Variants in GNAT2 observed in about 807,000 individuals in gnomAD.
GNAT2 encodes G protein subunit alpha transducin 2.
A neutral mutation model predicts 40.9 loss-of-function variants in GNAT2; 32 were observed. The observed-to-expected ratio is 0.78, with a 90% CI of 0.59 to 1.05. The LOEUF is 1.05. Among genes scored for constraint, GNAT2 ranks in the 50% least tolerant of loss-of-function variants. The probability of loss-of-function intolerance (pLI) is 0.00; values close to 1 mark genes in which losing one functional copy is unlikely to be tolerated. For synonymous variants in GNAT2, 141 were observed against 157.2 expected, an observed-to-expected ratio of 0.90 and a Z score of 0.77; for missense variants, 355 against 431.5, an observed-to-expected ratio of 0.82 and a Z score of 1.57.
chr1:109,605,866 ACT>A (rs1649575242), intron 7 of GNAT2, 102 bp downstream of exon 7: 1 of 1,005,210 alleles, frequency 9.9e-7, no homozygotes, highest in African/African-American at 1.6e-5. Context: ...GGGCTGCTAG[ACT>A]GAAATTACCT....
At chr1:109,604,199 C>A in intron 7 of GNAT2, 95 bp from the exon 8 acceptor site, 1 of 972,024 alleles carries the variant, frequency 1.0e-6, no homozygotes, top group Non-Finnish European at 1.6e-6. Flanking sequence ...ACCAGTGCTC[C>A]AAATGTAAAA....
chr1:109,606,158 G>A (rs1649586184), intron 6 of GNAT2, 59 bp from the exon 7 acceptor site: 1 of 1,599,380 alleles, frequency 6.3e-7, no homozygotes, highest in Non-Finnish European at 8.6e-7. Context: ...ATATGCCTTT[G>A]ATGGTCACCC....
intron 2 of GNAT2, chr1:109,610,749 C>T (rs1334785024): frequency 6.8e-6 from 4 of 585,690 alleles, no homozygotes; most frequent in African/African-American, 1.9e-5. Flanking sequence ...GTAGGATGTT[C>T]AGCAGCATTC....
chr1:109,608,757 TC>T lies in GNAT2; in HGVS notation c.334del (p.Asp112ThrfsTer45). 1 of 1,613,918 alleles carries T rather than the reference TC, an allele frequency of 6.2e-7. No individual in the cohort carries two copies. Among genetic ancestry groups the T allele is most frequent in the Non-Finnish European group, 8.5e-7 (1 of 1,179,886 alleles). ...AGGCATGGTTCCCTCCTCAATGGAG[TC>T]AGCCAGGTTGTTGAGCTGTCGCCCG... ...DDGRQLNNLADSIEEGTMPPE... is the reference protein window; with the variant it reads ...DDGRQLNNLAXSIEEGTMPPE... On this transcript the variant is annotated frameshift_variant, in exon 5 of 9. Coordinates refer to ENST00000679935, the MANE Select transcript of GNAT2 (RefSeq NM_001377295.2). LOFTEE classifies it high-confidence loss of function.
In GNAT2 at chr1:109,610,106, C is replaced by T; in HGVS notation, c.237G>A (p.Gln79=). 6.2e-7 allele frequency: 1 copy of T among 1,613,672 alleles called. No individual in the cohort carries two copies. Among genetic ancestry groups the T allele is most frequent in the Non-Finnish European group, 8.5e-7 (1 of 1,179,590 alleles). Reference sequence around the variant, plus strand: ...TGGCCCGGATGATAGCCAGGATGGACTGCAGCACATTTCCATAGATGATAG... The same window carrying T: ...TGGCCCGGATGATAGCCAGGATGGATTGCAGCACATTTCCATAGATGATAG... The part of the protein sequence containing the change: ...FKAIIYGNVL[Q]SILAIIRAMT... Residue 79 remains glutamine, a synonymous_variant, in exon 4 of 9, where the codon CAG becomes CAA. Coordinates refer to ENST00000679935, the MANE Select transcript of GNAT2 (RefSeq NM_001377295.2).
At chr1:109,617,603 C>T (rs1649986757) in intron 1 of GNAT2, 1 of 152,172 alleles carries the variant, frequency 6.6e-6, no homozygotes, top group African/African-American at 2.4e-5. Flanking sequence ...GACTTCCTAG[C>T]AGCAACAATA....
At chr1:109,608,990 C>A in intron 4 of GNAT2, 1 of 636,568 alleles carries the variant, frequency 1.6e-6, no homozygotes, top group Non-Finnish European at 2.9e-6. Flanking sequence ...GCACTATACC[C>A]AGCCCTGGGG....
Position 109,609,927 on chromosome 1 carries a change from T to A in GNAT2, c.303+113A>T, listed in dbSNP as rs1570564920. 3 of 1,067,206 alleles carry A rather than the reference T, an allele frequency of 2.8e-6. No homozygotes were observed. The East Asian group carries it at 7.1e-5, about 25-fold the overall frequency. 66.1% of individuals were successfully genotyped at this position (1,067,206 alleles called of 1,614,324 possible). ...TGAGATCCCACCCAGCAGGTGGGATTTTAGTTACTATTTTTCTTACCCATC... is the reference window on the plus strand; with the variant it reads ...TGAGATCCCACCCAGCAGGTGGGATATTAGTTACTATTTTTCTTACCCATC... On this transcript the variant is annotated intron_variant, in intron 4 of 8. Transcript: ENST00000679935.
At chr1:109,615,683 T>G (rs557251714) in intron 1 of GNAT2, 2 of 152,012 alleles carry the variant, frequency 1.3e-5, no homozygotes, top group Admixed American at 1.3e-4. Flanking sequence ...ACTTGGGAGA[T>G]AGAGGCATGA....
At position 109,603,563 on chromosome 1, in the gene GNAT2, A is replaced by G; in HGVS notation, c.875-19T>C. ...TTGTTACCTGGTTTTCCAGAAAAAT[A>G]GTGAAAAAGTAGAATAAATGAACCC... is the stretch of plus-strand genomic sequence containing the variant. On this transcript the variant is annotated intron_variant, in intron 8 of 8. Coordinates refer to ENST00000679935, the MANE Select transcript of GNAT2 (RefSeq NM_001377295.2). 11 of 1,513,304 alleles carry G rather than the reference A, an allele frequency of 7.3e-6. No homozygotes were observed. The highest frequency in any genetic ancestry group is 1.0e-5 in the Non-Finnish European group (11 of 1,088,264). 93.7% of individuals were successfully genotyped at this position (1,513,304 alleles called of 1,614,324 possible).
At chr1:109,604,488 C>A in intron 7 of GNAT2, 1 of 261,684 alleles carries the variant, frequency 3.8e-6, no homozygotes, top group Non-Finnish European at 7.5e-6. Context: ...ATAAGTAGTG[C>A]TGATAATGGG....
At chr1:109,612,720 G>A (rs758154861) in intron 2 of GNAT2, 33 bp downstream of exon 2, 4 of 1,285,166 alleles carry the variant, frequency 3.1e-6, no homozygotes, top group Non-Finnish European at 4.5e-6. Flanking sequence ...AAGGACCCCT[G>A]CCTTCTCTGG....
intron 7 of GNAT2, chr1:109,605,661 C>A: frequency 2.6e-6 from 1 of 379,652 alleles, no homozygotes; most frequent in Non-Finnish European, 5.1e-6. Context: ...CTTTGCTTTG[C>A]CTAGTTGATG....
Position 109,604,055 on chromosome 1 carries a change from T to G in GNAT2, c.770A>C (p.Lys257Thr), listed in dbSNP as rs774408503. ...LHLFNSICNH[K>T]FFAATSIVLF... ...GACAATGGAAGTAGCCGCAAAGAAT[T>G]TGTGGTTACATATGCTGTTGAACAG... Residue 257 changes from lysine (K) to threonine (T), a missense_variant, in exon 8 of 9, where the codon AAA becomes ACA. Physicochemically the swap from Lys to Thr is moderately conservative, Grantham distance 78 (BLOSUM62 -1). Coordinates refer to ENST00000679935, the MANE Select transcript of GNAT2 (RefSeq NM_001377295.2). 3 of 1,611,146 alleles carry G rather than the reference T, an allele frequency of 1.9e-6. No individual in the cohort carries two copies. The highest frequency in any genetic ancestry group is 2.5e-6 in the Non-Finnish European group (3 of 1,177,310).
At chr1:109,606,516 C>T (rs894720415) in intron 5 of GNAT2, 80 bp from the exon 6 acceptor site, 2 of 1,157,954 alleles carry the variant, frequency 1.7e-6, no homozygotes, top group Admixed American at 1.7e-5. Flanking sequence ...TACCCAAAGT[C>T]ACACAGCTAA....
intron 1 of GNAT2, chr1:109,614,648 G>A (rs1182746392): frequency 6.6e-6 from 1 of 152,234 alleles, no homozygotes; most frequent in Non-Finnish European, 1.5e-5. Flanking sequence ...TACTGAGGTC[G>A]AAGGATGTAA....
At chr1:109,608,535 G>T in intron 5 of GNAT2, 96 bp downstream of exon 5, 1 of 1,189,230 alleles carries the variant, frequency 8.4e-7, no homozygotes. Context: ...TTCAATGCCT[G>T]AAATTTTGGG....
At position 109,612,906 on chromosome 1, in the gene GNAT2, CCT is replaced by C. The variant is rs564936072; in HGVS notation, c.-38_-37del. Reference sequence around the variant, plus strand: ...TTGTCAGCTTTTTCAGGCCCCTAATCCTCTCTCGTAAGGTTTCCTGTATGTGA... The same window carrying C: ...TTGTCAGCTTTTTCAGGCCCCTAATCCTCTCGTAAGGTTTCCTGTATGTGA... On this transcript the variant is annotated 5_prime_UTR_variant, in exon 2 of 9. Coordinates refer to ENST00000679935, the MANE Select transcript of GNAT2 (RefSeq NM_001377295.2). The C allele has an allele frequency of 4.3e-5, 57 of 1,322,716 alleles. No individual in the cohort carries two copies. Among genetic ancestry groups the C allele is most frequent in the Non-Finnish European group, 5.1e-5 (47 of 915,450 alleles). The allele number at this position is 1,322,716 out of a possible 1,614,324, so 81.9% of individuals were successfully genotyped here.
intron 7 of GNAT2, 120 bp downstream of exon 7, chr1:109,605,850 G>T: frequency 2.3e-6 from 2 of 864,580 alleles, no homozygotes; most frequent in East Asian, 4.9e-5. Flanking sequence ...TGATTGGTCT[G>T]CTGGAGGGCT....
Sources: allele counts gnomAD v4.1 joint callset, GRCh38; gene constraint gnomAD v4.1.1; transcripts MANE v1.5; gene names NCBI Gene and HGNC (gene_info 2026-07-23, HGNC 2026-07-21).